TANC2: variants seen among roughly 807,000 people sequenced by gnomAD.
TANC2 encodes the protein tetratricopeptide repeat, ankyrin repeat and coiled-coil containing 2.
A neutral mutation model predicts 210.5 loss-of-function variants in TANC2; 26 were observed. That is an observed-to-expected ratio of 0.12 (90% CI 0.09 to 0.17). The LOEUF (loss-of-function observed/expected upper bound fraction) is 0.17, where lower values mean the gene tolerates loss of function less well. Ranked by LOEUF, TANC2 falls within the 10% of genes least tolerant of loss-of-function variation. The pLI is 1.00. For synonymous variants in TANC2, 931 were observed against 967.1 expected (o/e 0.96, Z 0.69); for missense variants, 2,129 against 2,608.9 (o/e 0.82, Z 4.01).
intron 3 of TANC2, among the ~76,000 whole-genome samples, chr17:63,086,560 T>G (rs2036973053): frequency 6.6e-6 from 1 of 152,320 alleles, no homozygotes; most frequent in Non-Finnish European, 1.5e-5. Context: ...TTCCATCTAC[T>G]TATATTACTC....
chr17:63,355,530 G>A, intron 14 of TANC2, 140 bp downstream of exon 14: 2 of 954,304 alleles, frequency 2.1e-6, no homozygotes, highest in East Asian at 2.7e-5. Context: ...TCAAGGCAAG[G>A]CTATAATGAG....
chr17:63,007,638 T>C (rs943176991), intron 1 of TANC2, among the ~76,000 whole-genome samples: 5 of 152,164 alleles, frequency 3.3e-5, no homozygotes, highest in Admixed American at 1.3e-4. Flanking sequence ...AGTTTTTGAG[T>C]TATTGAAGTC....
chr17:63,002,440 C>G (rs1157973074), intron 1 of TANC2, among the ~76,000 whole-genome samples: 1 of 152,130 alleles, frequency 6.6e-6, no homozygotes, highest in African/African-American at 2.4e-5. Flanking sequence ...CTCTCTATGC[C>G]TCCATCAGTC....
At chr17:63,133,475 G>GAAA (rs201809968) in intron 4 of TANC2, among the ~76,000 whole-genome samples, 2 of 146,118 alleles carry the variant, frequency 1.4e-5, no homozygotes, top group Non-Finnish European at 3.0e-5. Context: ...TTTCGAAAAA[G>GAAA]AAAAAAAAAA....
intron 25 of TANC2, 87 bp downstream of exon 25, chr17:63,413,721 A>C: frequency 4.2e-4 from 530 of 1,257,264 alleles, no homozygotes; most frequent in Non-Finnish European, 5.6e-4. Flanking sequence ...GATAATTCTC[A>C]TCCTTTGCGT....
Position 63,421,001 on chromosome 17 carries a change from G to A in TANC2, c.5271G>A (p.Pro1757=), listed in dbSNP as rs370017917. 1.2e-5 allele frequency: 19 copies of A among 1,613,858 alleles called. No homozygotes were observed. The Admixed American group carries it at 1.8e-4, about 16-fold the overall frequency. ...GGGGAATCGTAGGGGATGGAAGGCC[G>A]GTGCAGCATGTCCAAGCCAGCCTGA... Residue 1757 remains proline, a synonymous_variant, in exon 28 of 28, where the codon CCG becomes CCA. Coordinates refer to ENST00000689528, the Ensembl canonical transcript of TANC2. The surrounding 1 kb of genome is among the most constrained non-coding windows in gnomAD (Gnocchi z 6.9).
intron 13 of TANC2, among the ~76,000 whole-genome samples, chr17:63,352,597 C>T (rs973926529): frequency 9.2e-5 from 14 of 152,116 alleles, no homozygotes; most frequent in South Asian, 2.1e-4. Context: ...AGATGTTATC[C>T]TCATACATAT....
At chr17:63,110,731 A>G (rs2038004683) in intron 4 of TANC2, among the ~76,000 whole-genome samples, 1 of 152,148 alleles carries the variant, frequency 6.6e-6, no homozygotes, top group Admixed American at 6.5e-5. Flanking sequence ...TAAGGGTTCT[A>G]CCTCTTTCTA....
At chr17:63,240,554 C>T (rs1046589637) in intron 8 of TANC2, among the ~76,000 whole-genome samples, 1 of 152,152 alleles carries the variant, frequency 6.6e-6, no homozygotes, top group Non-Finnish European at 1.5e-5. Flanking sequence ...TGTTGTACTT[C>T]CCTATTAGCC....
At chr17:63,225,081 A>G (rs1243388750) in intron 7 of TANC2, among the ~76,000 whole-genome samples, 1 of 152,104 alleles carries the variant, frequency 6.6e-6, no homozygotes, top group Non-Finnish European at 1.5e-5. Flanking sequence ...CATTGAAAGA[A>G]TTGTTCTCAC....
In TANC2 at chr17:63,040,735, T is replaced by G. The variant is rs536399000; in HGVS notation, c.67+31109T>G. On this transcript the variant is annotated intron_variant, in intron 2 of 27. Coordinates refer to ENST00000689528, the Ensembl canonical transcript of TANC2. ...AGCATTTATCTATGGCAGAGAGAGA[T>G]AGAGAATATGTGTATGGTTCCATTA... Among the ~76,000 whole-genome samples, 22 of 152,226 alleles carry G rather than the reference T, an allele frequency of 1.4e-4. No homozygotes were observed. The South Asian group carries it at 3.9e-3, about 27-fold the overall frequency.
intron 1 of TANC2, chr17:63,004,592 T>TAAA (rs60120400): frequency 0.011 from 1,618 of 153,240 alleles, 21 homozygotes; most frequent in African/African-American, 0.028. Context: ...AGCATAGCTT[T>TAAA]AAAAAAAAAA....
At chr17:63,005,946 G>GT in intron 1 of TANC2, among the ~76,000 whole-genome samples, 1 of 136,712 alleles carries the variant, frequency 7.3e-6, no homozygotes, top group East Asian at 2.1e-4. Context: ...GTGTGTGTGT[G>GT]AAGAGTTTTG....
At chr17:62,996,074 G>A (rs1422909048) in intron 1 of TANC2, among the ~76,000 whole-genome samples, 1 of 152,150 alleles carries the variant, frequency 6.6e-6, no homozygotes, top group Non-Finnish European at 1.5e-5. Context: ...TCCAGATGGT[G>A]GACAAATGAT....
chr17:63,015,725 A>G (rs1236790080), intron 2 of TANC2, among the ~76,000 whole-genome samples: 3 of 106,452 alleles, frequency 2.8e-5, no homozygotes, highest in Non-Finnish European at 5.7e-5. Context: ...GCTTGTAGCA[A>G]GTACTGTGAA....
rs1375069617 is a variant in TANC2, at chr17:62,966,870, G to C, written c.-24+121G>C. 1.3e-5 allele frequency: 2 copies of C among 152,374 alleles called. No individual in the cohort carries two copies. Among genetic ancestry groups the C allele is most frequent in the Non-Finnish European group, 2.9e-5 (2 of 68,190 alleles). The allele number at this position is 152,374 out of a possible 1,614,324, so 9.4% of individuals were successfully genotyped here. A position where few individuals can be genotyped will look rare whatever the true frequency, so the allele number is the denominator to read the frequency against. ...GCGGGGAGACGGCGAAATGGGCAGC[G>C]AAGTGCCTCGGTGTCCAAGGCGTGG... On this transcript the variant is annotated intron_variant, in intron 1 of 27. Transcript: ENST00000689528. The surrounding 1 kb of genome is among the most constrained non-coding windows in gnomAD (Gnocchi z 5.1).
chr17:63,015,712 G>C (rs2034076983), intron 2 of TANC2, among the ~76,000 whole-genome samples: 1 of 146,792 alleles, frequency 6.8e-6, no homozygotes, highest in African/African-American at 2.5e-5. Flanking sequence ...ATTTTTTTCT[G>C]ATGCTTGTAG....
chr17:63,291,585 A>G (rs1033661138), intron 9 of TANC2, among the ~76,000 whole-genome samples: 1 of 152,106 alleles, frequency 6.6e-6, no homozygotes, highest in Non-Finnish European at 1.5e-5. Flanking sequence ...GTCAGATACA[A>G]ATATTTGGTG....
At chr17:63,081,631 C>A (rs1348745528) in intron 3 of TANC2, among the ~76,000 whole-genome samples, 1 of 151,948 alleles carries the variant, frequency 6.6e-6, no homozygotes, top group African/African-American at 2.4e-5. Flanking sequence ...TCTAAGTAAC[C>A]CATTATGTAT....
Sources: gnomAD v4.1 joint callset for allele counts (sites outside exome capture counted in the v4.1 genomes callset) on GRCh38, gnomAD v4.1.1 for gene constraint, Gnocchi (gnomAD v3.1) non-coding constraint, MANE v1.5 for transcripts, NCBI Gene and HGNC (gene_info 2026-07-23, HGNC 2026-07-21) for gene names.